Variants in PDPK1 observed in about 807,000 individuals in gnomAD.
PDPK1 encodes 3-phosphoinositide-dependent protein kinase 1.
A neutral mutation model predicts 39.8 loss-of-function variants in PDPK1; 7 were observed. That is an observed-to-expected ratio of 0.18 (90% confidence interval 0.10 to 0.33). The LOEUF is 0.33. Ranked by LOEUF, PDPK1 falls within the 10% of genes least tolerant of loss-of-function variation. The pLI, the probability that PDPK1 is intolerant of heterozygous loss-of-function variation, is 1.00. For synonymous variants in PDPK1, 118 were observed against 159.1 expected, an observed-to-expected ratio of 0.74 and a Z score of 1.95; for missense variants, 182 against 384.7, an observed-to-expected ratio of 0.47 and a Z score of 4.41.
In PDPK1 at chr16:2,601,461, G is replaced by A. The variant is rs538298991; in HGVS notation, c.*3694G>A. 9 of 234,552 alleles carry A rather than the reference G, an allele frequency of 3.8e-5. No individual in the cohort carries two copies. The highest frequency in any genetic ancestry group is 6.0e-5 in the East Asian group (1 of 16,574). 14.5% of individuals were successfully genotyped at this position (234,552 alleles called of 1,614,324 possible). ...CTCCCTGCTGCCGTGGCTTTCAAGC[G>A]CTTGGCAGAATCTTGTACTTCGTGT... On this transcript the variant is annotated 3_prime_UTR_variant, in exon 14 of 14. Coordinates refer to ENST00000342085, the MANE Select transcript of PDPK1 (RefSeq NM_002613.5).
At chr16:2,577,236 G>C in intron 6 of PDPK1, 189 bp from the exon 7 acceptor site, 1 of 652,784 alleles carries the variant, frequency 1.5e-6, no homozygotes, top group Non-Finnish European at 2.8e-6. Context: ...GGGAGCGCCA[G>C]GGTGCAGGGC....
At chr16:2,596,427 C>G (rs2067103268) in intron 12 of PDPK1, among the ~76,000 whole-genome samples, 1 of 152,144 alleles carries the variant, frequency 6.6e-6, no homozygotes. Context: ...ATCTCCTGAC[C>G]TCGTGATCCA....
Position 2,602,834 on chromosome 16 carries a change from T to A in PDPK1, c.*5067T>A, listed in dbSNP as rs1349506949. ...AATGATACTAGGATATACACTTTTGTATTTTTATTCTTATATAAGGTTATT... is the reference window on the plus strand; with the variant it reads ...AATGATACTAGGATATACACTTTTGAATTTTTATTCTTATATAAGGTTATT... On this transcript the variant is annotated 3_prime_UTR_variant, in exon 14 of 14. Transcript: ENST00000342085. The A allele has an allele frequency of 5.1e-5, 12 of 233,984 alleles. No individual in the cohort carries two copies. In the Admixed American group the frequency reaches 6.8e-4, roughly 13 times the overall value. The allele number at this position is 233,984 out of a possible 1,614,324, so 14.5% of individuals were successfully genotyped here.
At chr16:2,596,889 G>T (rs1353929756) in intron 12 of PDPK1, among the ~76,000 whole-genome samples, 1 of 152,068 alleles carries the variant, frequency 6.6e-6, no homozygotes, top group Non-Finnish European at 1.5e-5. Flanking sequence ...CCATGGGCCC[G>T]ATCTGGATGG....
intron 1 of PDPK1, among the ~76,000 whole-genome samples, chr16:2,544,676 T>C (rs955408685): frequency 2.4e-4 from 37 of 151,966 alleles, no homozygotes; most frequent in Non-Finnish European, 4.0e-4. Flanking sequence ...CTCCGCCTCC[T>C]GGGTTCACAC....
chr16:2,538,743 G>T (rs1308133794), intron 1 of PDPK1: 1 of 1,286,996 alleles, frequency 7.8e-7, no homozygotes, highest in East Asian at 5.6e-5. Flanking sequence ...GAATGTGCAG[G>T]ATCACCGAGG....
At chr16:2,546,677 C>T (rs1357273727) in intron 1 of PDPK1, among the ~76,000 whole-genome samples, 4 of 152,146 alleles carry the variant, frequency 2.6e-5, no homozygotes, top group Admixed American at 6.5e-5. Flanking sequence ...TTCCTGACAG[C>T]GGGGCCCTAC....
rs532090011 is a variant in PDPK1, at chr16:2,542,826, C to T, written c.24+4690C>T. On this transcript the variant is annotated intron_variant, in intron 1 of 13. Coordinates refer to ENST00000342085, the MANE Select transcript of PDPK1 (RefSeq NM_002613.5). ...CAAGGACGTTAGTTCTGGAGGTCCC[C>T]GTCTCCTGCGTGTTTGCGGAGCTGG... is the stretch of plus-strand genomic sequence containing the variant. Among the ~76,000 whole-genome samples the T allele has an allele frequency of 4.6e-5, 7 of 152,018 alleles. No homozygotes were observed. In the East Asian group the frequency reaches 5.8e-4, roughly 13 times the overall value.
chr16:2,592,366 A>T (rs1176433145), intron 11 of PDPK1: 1 of 233,352 alleles, frequency 4.3e-6, no homozygotes, highest in African/African-American at 2.4e-5. Flanking sequence ...GTGCATGGCG[A>T]GTAGTTAGGT....
intron 1 of PDPK1, among the ~76,000 whole-genome samples, chr16:2,547,183 TACG>T (rs1228540592): frequency 6.7e-6 from 1 of 149,914 alleles, no homozygotes; most frequent in Admixed American, 6.6e-5. Context: ...GCTCCCAACT[TACG>T]AGCTAGGAAG....
intron 1 of PDPK1, chr16:2,539,563 TTG>T (rs2066206809): frequency 2.0e-5 from 3 of 152,200 alleles, no homozygotes; most frequent in Non-Finnish European, 2.9e-5. Context: ...CTCGTGGACT[TTG>T]TAGAGATGCG....
chr16:2,544,872 AC>A (rs1232189173), intron 1 of PDPK1, among the ~76,000 whole-genome samples: 2 of 152,140 alleles, frequency 1.3e-5, no homozygotes, highest in South Asian at 2.1e-4. Flanking sequence ...GGCATGAGCC[AC>A]CACACCTGGC....
chr16:2,599,598 TG>T lies in PDPK1; in HGVS notation c.*1834del, dbSNP rs1425336224. ...CGCTCCGGGGCCCAGCACGTTGCCC[TG>T]GGCCTGTGGCCGGAGTCGGAGTCCT... On this transcript the variant is annotated 3_prime_UTR_variant, in exon 14 of 14. Coordinates refer to ENST00000342085, the MANE Select transcript of PDPK1 (RefSeq NM_002613.5). 4.3e-6 allele frequency: 1 copy of T among 232,618 alleles called. No homozygotes were observed. Among genetic ancestry groups the T allele is most frequent in the Non-Finnish European group, 8.5e-6 (1 of 117,770 alleles). The allele number at this position is 232,618 out of a possible 1,614,324, so 14.4% of individuals were successfully genotyped here. A position where few individuals can be genotyped will look rare whatever the true frequency, so the allele number is the denominator to read the frequency against.
intron 10 of PDPK1, 115 bp from the exon 11 acceptor site, chr16:2,586,561 G>A (rs2066879426): frequency 2.4e-6 from 2 of 837,778 alleles, no homozygotes; most frequent in African/African-American, 1.7e-5. Context: ...GTCGCCTTGC[G>A]CCTTGCTGTG....
intron 1 of PDPK1, among the ~76,000 whole-genome samples, chr16:2,541,255 G>A (rs2066239767): frequency 6.6e-6 from 1 of 152,172 alleles, no homozygotes; most frequent in South Asian, 2.1e-4. Flanking sequence ...ACAGTTTTGG[G>A]GAGAAACAGG....
chr16:2,551,254 G>A (rs1358522493), intron 1 of PDPK1, among the ~76,000 whole-genome samples: 1 of 142,300 alleles, frequency 7.0e-6, no homozygotes, highest in Non-Finnish European at 1.5e-5. Context: ...GAGGGGTAGG[G>A]GAAGGTGGCG....
intron 1 of PDPK1, chr16:2,538,845 G>T (rs1018410258): frequency 9.4e-7 from 1 of 1,066,666 alleles, no homozygotes; most frequent in Non-Finnish European, 1.2e-6. Context: ...AGTGTCGCTG[G>T]TGTTTCTATA....
chr16:2,596,194 C>G (rs2067097680), intron 12 of PDPK1, among the ~76,000 whole-genome samples: 1 of 152,086 alleles, frequency 6.6e-6, no homozygotes, highest in East Asian at 1.9e-4. Flanking sequence ...AAGGGTTGTT[C>G]TTTATTTTTT....
In PDPK1 at chr16:2,602,429, A is replaced by G. The variant is rs2067236220; in HGVS notation, c.*4662A>G. 8.5e-6 allele frequency: 2 copies of G among 235,286 alleles called. No individual in the cohort carries two copies. Among genetic ancestry groups the G allele is most frequent in the African/African-American group, 2.2e-5 (1 of 45,338 alleles). 14.6% of individuals were successfully genotyped at this position (235,286 alleles called of 1,614,324 possible). The stretch of plus-strand genomic sequence containing the variant: ...CTGAACGAGCCTACGTGTGTACCTG[A>G]ATTTTCCCCGTAACTCATTTCTTCC... On this transcript the variant is annotated 3_prime_UTR_variant, in exon 14 of 14. Transcript: ENST00000342085.
Sources: allele counts gnomAD v4.1 joint callset (sites outside exome capture counted in the v4.1 genomes callset), GRCh38; gene constraint gnomAD v4.1.1; transcripts MANE v1.5; gene names NCBI Gene and HGNC (gene_info 2026-07-23, HGNC 2026-07-21).